The following GAK variants were observed in gnomAD, a reference collection of about 807,000 sequenced individuals.
The protein encoded by GAK is cyclin G associated kinase.
GAK carries 79 observed loss-of-function variants against 143.9 expected under a neutral mutation model. That is an observed-to-expected ratio of 0.55 (90% CI 0.46 to 0.66). The LOEUF is 0.66. Ranked by LOEUF, GAK falls within the 30% of genes least tolerant of loss-of-function variation. The probability of loss-of-function intolerance (pLI) is 0.00; values close to 1 mark genes in which losing one functional copy is unlikely to be tolerated. For missense variants in GAK, 1,693 were observed against 1,779.7 expected (o/e 0.95, Z 0.88); for synonymous variants, 881 against 765.5 (o/e 1.15, Z -2.49).
intron 18 of GAK, chr4:872,153 A>G (rs73207791): frequency 0.14 from 20,615 of 152,170 alleles, 1,841 homozygotes; most frequent in Middle Eastern, 0.3. Context: ...AGCTCCACAC[A>G]TGCCTGTGAT....
chr4:857,376 AG>A (rs1454482640), intron 24 of GAK, among the ~76,000 whole-genome samples: 14 of 152,234 alleles, frequency 9.2e-5, no homozygotes, highest in African/African-American at 3.1e-4. Context: ...TTCCTGTGAG[AG>A]GGTGGAATTG....
At chr4:894,682 G>A (rs1197239227) in intron 7 of GAK, 1 of 152,174 alleles carries the variant, frequency 6.6e-6, no homozygotes, top group East Asian at 1.9e-4. Context: ...AGGCTCTTAA[G>A]ATTAAAAAGT....
At chr4:893,621 G>C (rs1170383606) in intron 8 of GAK, 132 bp from the exon 9 acceptor site, 1 of 723,312 alleles carries the variant, frequency 1.4e-6, no homozygotes, top group East Asian at 3.0e-5. Context: ...AGCAAGAAGG[G>C]AGCGGCAAAG....
At chr4:889,183 G>C (rs1296507379) in intron 10 of GAK, among the ~76,000 whole-genome samples, 1 of 152,130 alleles carries the variant, frequency 6.6e-6, no homozygotes, top group East Asian at 1.9e-4. Context: ...TACCCAGCGG[G>C]AAGCCAGGCC....
chr4:856,623 A>ACCTGCTCACCACAGCTGCTCACC (rs1749321889), intron 24 of GAK, among the ~76,000 whole-genome samples: 1 of 130,778 alleles, frequency 7.6e-6, no homozygotes, highest in Non-Finnish European at 1.6e-5. Flanking sequence ...AGGTGCTCAC[A>ACCTGCTCACCACAGCTGCTCACC]CCTGCTCACC....
chr4:898,429 TCA>T (rs1386340235), intron 5 of GAK, among the ~76,000 whole-genome samples: 14 of 152,254 alleles, frequency 9.2e-5, no homozygotes, highest in African/African-American at 3.4e-4. Context: ...CTGAGGGATT[TCA>T]CAGAGTTCAG....
At chr4:920,740 C>T (rs1171974352) in intron 1 of GAK, among the ~76,000 whole-genome samples, 1 of 151,788 alleles carries the variant, frequency 6.6e-6, no homozygotes, top group Non-Finnish European at 1.5e-5. Context: ...GACGGGGTTT[C>T]ACCATGTTGG....
At chr4:849,833 G>GTGGCCCCCCCCCC in intron 27 of GAK, 59 bp from the exon 28 acceptor site, 1 of 1,190,154 alleles carries the variant, frequency 8.4e-7, no homozygotes, top group Non-Finnish European at 1.2e-6. Flanking sequence ...GGCGGGGCAG[G>GTGGCCCCCCCCCC]ACCCCCCCCC....
intron 5 of GAK, among the ~76,000 whole-genome samples, chr4:902,605 A>AAAAAAACCAAC (rs1553889060): frequency 7.7e-6 from 1 of 130,310 alleles, no homozygotes; most frequent in East Asian, 2.4e-4. Flanking sequence ...TCAAAAAAAA[A>AAAAAAACCAAC]AAAAAAAAAC....
intron 18 of GAK, among the ~76,000 whole-genome samples, chr4:871,574 CA>C (rs1286307022): frequency 2.0e-5 from 3 of 152,168 alleles, no homozygotes; most frequent in Admixed American, 2.0e-4. Flanking sequence ...GCTGGGGAGG[CA>C]GCCCAGGCTG....
At chr4:882,430 A>G (rs961783510) in intron 14 of GAK, among the ~76,000 whole-genome samples, 16 of 151,070 alleles carry the variant, frequency 1.1e-4, no homozygotes, top group African/African-American at 3.9e-4. Context: ...ACCGAGCAGG[A>G]GGGGAGGTGG....
intron 17 of GAK, 59 bp downstream of exon 17, chr4:877,031 A>C: frequency 1.7e-6 from 2 of 1,205,076 alleles, no homozygotes; most frequent in South Asian, 2.5e-5. Context: ...TGTGGCCCCC[A>C]GCCCCCCATG....
intron 1 of GAK, among the ~76,000 whole-genome samples, chr4:918,375 A>G (rs767540419): frequency 6.6e-6 from 1 of 152,270 alleles, no homozygotes; most frequent in Non-Finnish European, 1.5e-5. Context: ...TGGAGATTCG[A>G]GTTAATGCAA....
At chr4:877,248 A>G (rs1714131848) in intron 16 of GAK, 41 bp from the exon 17 acceptor site, 3 of 1,327,428 alleles carry the variant, frequency 2.3e-6, no homozygotes, top group Non-Finnish European at 3.3e-6. Flanking sequence ...AAAAACCCCC[A>G]AAACCAACCA....
chr4:895,653 C>T (rs919998985), intron 7 of GAK, among the ~76,000 whole-genome samples: 2 of 152,322 alleles, frequency 1.3e-5, no homozygotes, highest in East Asian at 1.9e-4. Flanking sequence ...GGCTGAATGA[C>T]GGGGTAAGGG....
chr4:901,422 A>G (rs933832201), intron 5 of GAK, among the ~76,000 whole-genome samples: 2 of 151,992 alleles, frequency 1.3e-5, no homozygotes, highest in Non-Finnish European at 2.9e-5. Flanking sequence ...TCCCCCACCT[A>G]GGGCACACGG....
chr4:894,636 A>C (rs1396364970), intron 7 of GAK: 1 of 152,438 alleles, frequency 6.6e-6, no homozygotes, highest in Non-Finnish European at 1.5e-5. Flanking sequence ...TATTCACCGC[A>C]AAGAACTGTC....
intron 12 of GAK, 151 bp from the exon 13 acceptor site, chr4:883,614 C>T: frequency 1.2e-6 from 1 of 841,500 alleles, no homozygotes; most frequent in Non-Finnish European, 1.9e-6. Flanking sequence ...CCCTCACCCT[C>T]CGTGGACTCC....
chr4:859,627 C>G lies in GAK; in HGVS notation c.3262G>C (p.Asp1088His), dbSNP rs745660937. The G allele has an allele frequency of 2.5e-6, 4 of 1,598,916 alleles. No individual in the cohort carries two copies. The African/African-American group carries it at 5.4e-5, about 21-fold the overall frequency. The change falls in exon 24 of 28, where the codon GAC (aspartate) becomes CAC (histidine). Residue 1088 changes from aspartate to histidine, a missense_variant. Physicochemically the swap from Asp to His is moderately conservative, Grantham distance 81. Coordinates refer to ENST00000314167, the MANE Select transcript of GAK (RefSeq NM_005255.4). ...QNPDPFADLG[D>H]LSSGLQGSPA... ...TTACCTTGGAGGCCGGAGCTGAGGT[C>G]GCCAAGGTCAGCAAATGGGTCCGGG...
Sources: allele counts gnomAD v4.1 joint callset (sites outside exome capture counted in the v4.1 genomes callset), GRCh38; gene constraint gnomAD v4.1.1; transcripts MANE v1.5; gene names NCBI Gene and HGNC (gene_info 2026-07-23, HGNC 2026-07-21).